The following SH2D4B variants were observed in gnomAD, a reference collection of about 807,000 sequenced individuals.
SH2D4B encodes the protein SH2 domain-containing protein 4B.
SH2D4B carries 45 observed loss-of-function variants against 61.5 expected under a neutral mutation model. The ratio of observed to expected loss-of-function variants is 0.73; its 90% CI spans 0.58 to 0.94. The LOEUF (loss-of-function observed/expected upper bound fraction) is 0.94. Among genes scored for constraint, SH2D4B ranks in the 40% least tolerant of loss-of-function variants. SH2D4B has a pLI of 0.00. For synonymous variants in SH2D4B, 224 were observed against 220.4 expected (o/e 1.02, Z -0.14); for missense variants, 572 against 574.2 (o/e 1.00, Z 0.04).
At chr10:80,632,850 T>G (rs570347139) in intron 6 of SH2D4B, among the ~76,000 whole-genome samples, 1 of 151,614 alleles carries the variant, frequency 6.6e-6, no homozygotes, top group Admixed American at 6.6e-5. Context: ...TCAGGTGTCC[T>G]GTGGCGAAAG....
intron 4 of SH2D4B, among the ~76,000 whole-genome samples, chr10:80,602,180 G>T (rs1163076252): frequency 2.0e-5 from 3 of 152,200 alleles, no homozygotes; most frequent in African/African-American, 7.2e-5. Flanking sequence ...GATGGAAGAG[G>T]TCGTGCGTGG....
At chr10:80,627,516 C>T (rs1394657386) in intron 6 of SH2D4B, among the ~76,000 whole-genome samples, 3 of 152,098 alleles carry the variant, frequency 2.0e-5, no homozygotes, top group South Asian at 2.1e-4. Context: ...TCAGTCTAAA[C>T]ATCACTTCCG....
chr10:80,640,773 T>C (rs1840277956), intron 7 of SH2D4B, among the ~76,000 whole-genome samples: 1 of 152,176 alleles, frequency 6.6e-6, no homozygotes, highest in African/African-American at 2.4e-5. Context: ...ATTACTGACC[T>C]TCTGAAGCCT....
rs559514912 is a variant in SH2D4B at position 80,636,158 on chromosome 10, T to A, written c.1209+1653T>A. On this transcript the variant is annotated intron_variant, in intron 7 of 7. Transcript: ENST00000646907. ...TTTTTTATGGCTGCATAGTATTCCA[T>A]GGTGTGTATGTGCCACATTTTCTTA... Among the ~76,000 whole-genome samples the A allele has an allele frequency of 8.5e-5, 13 of 152,342 alleles. No homozygotes were observed. In the South Asian group the frequency reaches 2.7e-3, roughly 32 times the overall value.
chr10:80,597,884 G>A (rs949088113), intron 4 of SH2D4B, among the ~76,000 whole-genome samples: 1 of 152,164 alleles, frequency 6.6e-6, no homozygotes. Flanking sequence ...GTGTTGCAGT[G>A]TGGTGGCAGC....
chr10:80,623,502 A>G (rs1000915103), intron 6 of SH2D4B, among the ~76,000 whole-genome samples: 1 of 152,210 alleles, frequency 6.6e-6, no homozygotes, highest in Non-Finnish European at 1.5e-5. Context: ...AAATGTCAAC[A>G]TATGAATTTT....
chr10:80,586,763 C>G (rs995752769), intron 3 of SH2D4B, among the ~76,000 whole-genome samples: 1 of 152,180 alleles, frequency 6.6e-6, no homozygotes, highest in African/African-American at 2.4e-5. Context: ...TGTTTTTTCA[C>G]TCTTTACAAT....
At position 80,539,907 on chromosome 10, in the gene SH2D4B, G is replaced by A. The variant is rs1257394740; in HGVS notation, c.184+1392G>A. Among the ~76,000 whole-genome samples the A allele has an allele frequency of 1.3e-5, 2 of 152,166 alleles. No individual in the cohort carries two copies. Among genetic ancestry groups the A allele is most frequent in the Non-Finnish European group, 2.9e-5 (2 of 68,032 alleles). On this transcript the variant is annotated intron_variant, in intron 1 of 7. Coordinates refer to ENST00000646907, the MANE Select transcript of SH2D4B (RefSeq NM_001388272.1). The surrounding 1 kb of genome is among the most constrained non-coding windows in gnomAD (Gnocchi z 4.9). ...GCAGGTGGCTGCTGCCAAAGCTGGG[G>A]CCTTCCGGGCTGGGCTGCGCTGGCA...
In SH2D4B at chr10:80,540,855, C is replaced by T. The variant is rs367589605; in HGVS notation, c.184+2340C>T. On this transcript the variant is annotated intron_variant, in intron 1 of 7. Coordinates refer to ENST00000646907, the MANE Select transcript of SH2D4B (RefSeq NM_001388272.1). ...GCCGTGTCCCAGGGCGGGAATTGTG[C>T]GGGGACGGGCTCCACGGAGGAATCT... is the stretch of plus-strand genomic sequence containing the variant. 38 of 1,551,144 alleles carry T rather than the reference C, an allele frequency of 2.4e-5. 1 individual carries two copies. In the Middle Eastern group the frequency reaches 1.4e-3, roughly 56 times the overall value.
intron 1 of SH2D4B, among the ~76,000 whole-genome samples, chr10:80,563,844 C>G (rs1481893835): frequency 6.6e-6 from 1 of 152,124 alleles, no homozygotes; most frequent in East Asian, 1.9e-4. Context: ...TTGGTACTAT[C>G]TATATATCAT....
chr10:80,600,505 T>C (rs1274147290), intron 4 of SH2D4B, among the ~76,000 whole-genome samples: 1 of 143,834 alleles, frequency 7.0e-6, no homozygotes, highest in Non-Finnish European at 1.5e-5. Flanking sequence ...GTGGTGGAGC[T>C]ACAGTGCAGA....
intron 3 of SH2D4B, among the ~76,000 whole-genome samples, chr10:80,577,081 A>C (rs1337227611): frequency 6.6e-6 from 1 of 152,160 alleles, no homozygotes; most frequent in Non-Finnish European, 1.5e-5. Context: ...ACAACTTTTG[A>C]GGAAAGACTA....
Position 80,549,202 on chromosome 10 carries a change from ATTGTGTGTG to A in SH2D4B, c.184+10689_184+10697del, listed in dbSNP as rs1391042788. 4.1e-3 allele frequency among the ~76,000 whole-genome samples: 327 copies of A among 80,644 alleles called. 4 individuals are homozygous for A. Among genetic ancestry groups the A allele is most frequent in the South Asian group, 0.02 (43 of 2,188 alleles). The allele number at this position is 80,644 out of a possible 152,430, so 52.9% of individuals were successfully genotyped here. ...TCTCCGAGAGCTGTGATGGGACTTG[ATTGTGTGTG>A]TGTGTGTGTGTGTGTGTGTGTGTGT... is the stretch of plus-strand genomic sequence containing the variant. On this transcript the variant is annotated intron_variant, in intron 1 of 7. Transcript: ENST00000646907.
At chr10:80,611,287 G>A (rs1446436231) in intron 6 of SH2D4B, among the ~76,000 whole-genome samples, 4 of 151,522 alleles carry the variant, frequency 2.6e-5, no homozygotes, top group Admixed American at 6.6e-5. Context: ...AAACTGACAC[G>A]TCAAGTTGTT....
Position 80,644,237 on chromosome 10 carries a change from G to A in SH2D4B, c.*152G>A. On this transcript the variant is annotated 3_prime_UTR_variant, in exon 8 of 8. Transcript: ENST00000646907. Reference sequence around the variant, plus strand: ...ATGCCTCAAGGGATATGACATCTATGGCATAGGGCTACTGGTCTCATCCCA... The same window carrying A: ...ATGCCTCAAGGGATATGACATCTATAGCATAGGGCTACTGGTCTCATCCCA... 1.6e-6 allele frequency: 1 copy of A among 630,296 alleles called. No homozygotes were observed. Among genetic ancestry groups the A allele is most frequent in the Admixed American group, 2.8e-5 (1 of 35,386 alleles). 39.0% of individuals were successfully genotyped at this position (630,296 alleles called of 1,614,324 possible).
chr10:80,547,208 G>A (rs1042512591), intron 1 of SH2D4B, among the ~76,000 whole-genome samples: 3 of 152,134 alleles, frequency 2.0e-5, no homozygotes, highest in Admixed American at 1.3e-4. Context: ...ATCAAGCAGC[G>A]CACCCCTCAC....
At chr10:80,592,554 G>A (rs984704899) in intron 4 of SH2D4B, among the ~76,000 whole-genome samples, 1 of 152,126 alleles carries the variant, frequency 6.6e-6, no homozygotes, top group African/African-American at 2.4e-5. Flanking sequence ...ATTTTTGTGT[G>A]AGGTAGGGTT....
In SH2D4B at chr10:80,547,641, G is replaced by A. The variant is rs143775257; in HGVS notation, c.184+9126G>A. ...TCTTCGTGATGTTTATTTACCATTAGTGCCCCATTTCTTTTGTTAAGAAAA... is the reference window on the plus strand; with the variant it reads ...TCTTCGTGATGTTTATTTACCATTAATGCCCCATTTCTTTTGTTAAGAAAA... On this transcript the variant is annotated intron_variant, in intron 1 of 7. Coordinates refer to ENST00000646907, the MANE Select transcript of SH2D4B (RefSeq NM_001388272.1). 7.2e-5 allele frequency among the ~76,000 whole-genome samples: 11 copies of A among 152,264 alleles called. 1 individual carries two copies. In the East Asian group the frequency reaches 1.9e-3, roughly 27 times the overall value.
chr10:80,623,959 A>C (rs145702830), intron 6 of SH2D4B, among the ~76,000 whole-genome samples: 2 of 152,264 alleles, frequency 1.3e-5, no homozygotes, highest in East Asian at 3.9e-4. Context: ...GTCTTTCAGC[A>C]GTGGAGTTGT....
Sources: gnomAD v4.1 joint callset for allele counts (sites outside exome capture counted in the v4.1 genomes callset) on GRCh38, gnomAD v4.1.1 for gene constraint, Gnocchi (gnomAD v3.1) non-coding constraint, MANE v1.5 for transcripts, NCBI Gene and HGNC (gene_info 2026-07-23, HGNC 2026-07-21) for gene names.